Variants in CCDC7 observed in about 807,000 individuals in gnomAD.
CCDC7 encodes coiled-coil domain containing 7.
In CCDC7, 183 loss-of-function variants were observed where a neutral mutation model predicts 196.9. The observed-to-expected ratio is 0.93, with a 90% CI of 0.82 to 1.05. CCDC7 has a LOEUF of 1.05. Among genes scored for constraint, CCDC7 ranks in the 50% least tolerant of loss-of-function variants. CCDC7 has a pLI of 0.00. For synonymous variants in CCDC7, 525 were observed against 484.6 expected, an observed-to-expected ratio of 1.08 and a Z score of -1.10; for missense variants, 1,540 against 1,482.2, an observed-to-expected ratio of 1.04 and a Z score of -0.64.
intron 18 of CCDC7, among the ~76,000 whole-genome samples, chr10:32,603,600 C>A (rs1157112685): frequency 1.1e-5 from 1 of 93,646 alleles, no homozygotes; most frequent in Non-Finnish European, 2.8e-5. Flanking sequence ...TTTTTTTTTA[C>A]ATCTTTGACA....
intron 7 of CCDC7, among the ~76,000 whole-genome samples, chr10:32,472,893 G>T (rs767044346): frequency 6.6e-6 from 1 of 152,176 alleles, no homozygotes; most frequent in Admixed American, 6.5e-5. Flanking sequence ...GCCATGCCCG[G>T]CATGTTTGAC....
At chr10:32,492,820 A>G (rs2042347845) in intron 9 of CCDC7, among the ~76,000 whole-genome samples, 1 of 152,146 alleles carries the variant, frequency 6.6e-6, no homozygotes. Flanking sequence ...AATGATTAAG[A>G]TGGTAAATTT....
At chr10:32,849,229 T>C (rs968668456) in intron 39 of CCDC7, among the ~76,000 whole-genome samples, 1 of 152,002 alleles carries the variant, frequency 6.6e-6, no homozygotes. Flanking sequence ...ACCCTAAAAC[T>C]TAAAAAAGCA....
chr10:32,722,866 T>C (rs989976882), intron 25 of CCDC7, among the ~76,000 whole-genome samples: 1 of 152,108 alleles, frequency 6.6e-6, no homozygotes, highest in African/African-American at 2.4e-5. Flanking sequence ...AGAAATGCAA[T>C]GCTCCTCTAT....
intron 22 of CCDC7, among the ~76,000 whole-genome samples, chr10:32,687,620 A>G (rs1205352300): frequency 6.6e-6 from 1 of 152,208 alleles, no homozygotes; most frequent in Non-Finnish European, 1.5e-5. Context: ...AATCATTGGT[A>G]AACTAGTATT....
At chr10:32,565,419 C>G (rs1430381729) in intron 13 of CCDC7, 139 bp from the exon 15 acceptor site, 1 of 762,792 alleles carries the variant, frequency 1.3e-6, no homozygotes, top group Non-Finnish European at 2.0e-6. Flanking sequence ...CACCATTACA[C>G]TTGAGAGATG....
At chr10:32,652,239 T>C (rs1240451791) in intron 20 of CCDC7, among the ~76,000 whole-genome samples, 1 of 152,178 alleles carries the variant, frequency 6.6e-6, no homozygotes, top group Admixed American at 6.5e-5. Context: ...CTACTCCTGC[T>C]CTTTTTTGGT....
At chr10:32,458,154 G>GT (rs1310454606) in intron 3 of CCDC7, among the ~76,000 whole-genome samples, 1 of 152,134 alleles carries the variant, frequency 6.6e-6, no homozygotes, top group East Asian at 1.9e-4. Flanking sequence ...TAGTTTCATA[G>GT]TTTTGGGTTT....
chr10:32,473,334 A>T (rs1490431566), intron 7 of CCDC7, among the ~76,000 whole-genome samples: 1 of 152,240 alleles, frequency 6.6e-6, no homozygotes, highest in Non-Finnish European at 1.5e-5. Flanking sequence ...TAGCATGAAC[A>T]AACAACATGC....
At chr10:32,861,394 T>TC (rs1176608487) in intron 41 of CCDC7, among the ~76,000 whole-genome samples, 4 of 152,052 alleles carry the variant, frequency 2.6e-5, no homozygotes, top group Non-Finnish European at 5.9e-5. Context: ...ACTGGACCCC[T>TC]CCCTTACACC....
chr10:32,735,712 G>C (rs1366142572), intron 28 of CCDC7, among the ~76,000 whole-genome samples: 1 of 152,034 alleles, frequency 6.6e-6, no homozygotes, highest in Non-Finnish European at 1.5e-5. Context: ...TTCATGGATT[G>C]TGCTTTTGTT....
At chr10:32,696,475 T>C (rs1359287842) in intron 24 of CCDC7, among the ~76,000 whole-genome samples, 6 of 147,592 alleles carry the variant, frequency 4.1e-5, no homozygotes, top group African/African-American at 1.6e-4. Context: ...CATAGTCTTG[T>C]TTTCTGTTTT....
At chr10:32,553,506 T>G (rs998567855) in intron 13 of CCDC7, among the ~76,000 whole-genome samples, 6 of 152,156 alleles carry the variant, frequency 3.9e-5, no homozygotes, top group African/African-American at 1.2e-4. Flanking sequence ...TTGTCATATT[T>G]CCAGGGTTGG....
intron 11 of CCDC7, among the ~76,000 whole-genome samples, chr10:32,521,554 T>C (rs1202475611): frequency 6.6e-6 from 1 of 152,226 alleles, no homozygotes; most frequent in Non-Finnish European, 1.5e-5. Flanking sequence ...ATCCTGTAAC[T>C]TTACTGAATT....
intron 11 of CCDC7, among the ~76,000 whole-genome samples, chr10:32,519,948 A>G (rs567448508): frequency 6.6e-5 from 10 of 152,126 alleles, no homozygotes; most frequent in Non-Finnish European, 8.8e-5. Flanking sequence ...TTTAACCCCC[A>G]CGAATAAGTG....
intron 31 of CCDC7, among the ~76,000 whole-genome samples, chr10:32,822,274 G>T (rs1271925517): frequency 1.3e-5 from 2 of 151,904 alleles, no homozygotes; most frequent in African/African-American, 4.8e-5. Flanking sequence ...TTATCTAAAA[G>T]ACAACTGTAT....
intron 11 of CCDC7, among the ~76,000 whole-genome samples, chr10:32,536,785 T>G (rs1055055781): frequency 6.6e-6 from 1 of 152,216 alleles, no homozygotes; most frequent in Admixed American, 6.5e-5. Context: ...GCCATTTGGA[T>G]AATGGCTTCC....
At chr10:32,732,312 T>C (rs1456822650) in intron 28 of CCDC7, among the ~76,000 whole-genome samples, 1 of 152,172 alleles carries the variant, frequency 6.6e-6, no homozygotes, top group Non-Finnish European at 1.5e-5. Context: ...ATTAAGAATA[T>C]TGTGTAATGA....
downstream of CCDC7, among the ~76,000 whole-genome samples, chr10:32,879,049 A>C (rs2094691809): frequency 6.6e-6 from 1 of 150,598 alleles, no homozygotes; most frequent in Admixed American, 6.6e-5. Context: ...ACTTGTCACT[A>C]TCTCTAATTT....
Sources: gnomAD v4.1 joint callset for allele counts (sites outside exome capture counted in the v4.1 genomes callset) on GRCh38, gnomAD v4.1.1 for gene constraint, MANE v1.5 for transcripts, NCBI Gene and HGNC (gene_info 2026-07-23, HGNC 2026-07-21) for gene names.